The following PDE1C variants were observed in gnomAD, a reference collection of about 807,000 sequenced individuals.
The protein encoded by PDE1C is dual specificity calcium/calmodulin-dependent 3',5'-cyclic nucleotide phosphodiesterase 1C.
A neutral mutation model predicts 93.1 loss-of-function variants in PDE1C; 62 were observed. The observed-to-expected ratio is 0.67, with a 90% CI of 0.54 to 0.82. The LOEUF (loss-of-function observed/expected upper bound fraction) is 0.82, where lower values mean the gene tolerates loss of function less well. Among genes scored for constraint, PDE1C ranks in the 40% least tolerant of loss-of-function variants. The pLI, the probability that PDE1C is intolerant of heterozygous loss-of-function variation, is 0.00. For missense variants in PDE1C, 742 were observed against 884.6 expected, an observed-to-expected ratio of 0.84 and a Z score of 2.04; for synonymous variants, 325 against 310.1, an observed-to-expected ratio of 1.05 and a Z score of -0.50.
At chr7:32,176,877 A>G (rs1803031953) in intron 2 of PDE1C, among the ~76,000 whole-genome samples, 2 of 152,280 alleles carry the variant, frequency 1.3e-5, no homozygotes, top group South Asian at 4.1e-4. Flanking sequence ...GAAAATACAA[A>G]CAGACAGTAG....
chr7:32,181,350 T>C (rs1430523638), intron 2 of PDE1C, among the ~76,000 whole-genome samples: 1 of 152,176 alleles, frequency 6.6e-6, no homozygotes, highest in African/African-American at 2.4e-5. Flanking sequence ...TATACATTCT[T>C]CTCAGCACCA....
intron 7 of PDE1C, among the ~76,000 whole-genome samples, chr7:31,856,547 C>A (rs898672168): frequency 2.0e-5 from 3 of 152,096 alleles, no homozygotes; most frequent in Non-Finnish European, 2.9e-5. Flanking sequence ...ACTTTTATGT[C>A]CCCAGAGTAC....
chr7:32,157,826 T>C (rs559460428), intron 3 of PDE1C, among the ~76,000 whole-genome samples: 1 of 152,336 alleles, frequency 6.6e-6, no homozygotes, highest in South Asian at 2.1e-4. Context: ...TGGAAGATAA[T>C]GTAGCTCATT....
chr7:31,628,051 C>G, the PDE1C span, among the ~76,000 whole-genome samples: 767 of 152,242 alleles, frequency 5.0e-3, 7 homozygotes, highest in African/African-American at 0.018. Flanking sequence ...CACCCCAGGC[C>G]TAAAAAAGCA....
chr7:32,022,025 T>C (rs1024203187), intron 2 of PDE1C, among the ~76,000 whole-genome samples: 1 of 152,126 alleles, frequency 6.6e-6, no homozygotes, highest in African/African-American at 2.4e-5. Context: ...TTAACTTAAG[T>C]ACATAATTAG....
chr7:31,755,745 T>C (rs1248497432), intron 17 of PDE1C, among the ~76,000 whole-genome samples: 1 of 152,226 alleles, frequency 6.6e-6, no homozygotes, highest in African/African-American at 2.4e-5. Context: ...TCCACACTGA[T>C]ATAAATAAAT....
At chr7:32,042,560 T>C (rs1364397786) in intron 2 of PDE1C, among the ~76,000 whole-genome samples, 2 of 152,192 alleles carry the variant, frequency 1.3e-5, no homozygotes, top group African/African-American at 4.8e-5. Context: ...TTTCAATCAG[T>C]AGGGGGCCCT....
At chr7:32,238,359 T>C (rs1808289028) in intron 1 of PDE1C, among the ~76,000 whole-genome samples, 1 of 152,228 alleles carries the variant, frequency 6.6e-6, no homozygotes, top group Non-Finnish European at 1.5e-5. Flanking sequence ...GATCAGATAT[T>C]GATCCTCTTC....
chr7:32,252,970 T>C (rs942217517), intron 1 of PDE1C, among the ~76,000 whole-genome samples: 3 of 152,158 alleles, frequency 2.0e-5, no homozygotes, highest in Non-Finnish European at 2.9e-5. Flanking sequence ...GACCATACTT[T>C]GAGTAGCACA....
chr7:31,960,398 G>C (rs1402007965), intron 2 of PDE1C, among the ~76,000 whole-genome samples: 1 of 152,110 alleles, frequency 6.6e-6, no homozygotes, highest in African/African-American at 2.4e-5. Context: ...CCAAAGTTGA[G>C]GGATATTCTA....
At chr7:31,978,172 A>G (rs532375738) in intron 2 of PDE1C, among the ~76,000 whole-genome samples, 1 of 152,334 alleles carries the variant, frequency 6.6e-6, no homozygotes, top group South Asian at 2.1e-4. Context: ...GATATTTTCA[A>G]CATAGATTTC....
intron 16 of PDE1C, among the ~76,000 whole-genome samples, chr7:31,797,621 C>G (rs1785470777): frequency 6.6e-6 from 1 of 151,710 alleles, no homozygotes; most frequent in Non-Finnish European, 1.5e-5. Flanking sequence ...GATGGGGTAA[C>G]AGCTTGTCTT....
the PDE1C span, among the ~76,000 whole-genome samples, chr7:31,710,860 A>G: frequency 6.6e-6 from 1 of 152,346 alleles, no homozygotes; most frequent in African/African-American, 2.4e-5. Flanking sequence ...CAGAATTCAG[A>G]ACATTATAAT....
rs553992320 is a variant in PDE1C, at chr7:32,272,505, A to AG, written c.85+26145_85+26146insC. 3.1e-4 allele frequency among the ~76,000 whole-genome samples: 47 copies of AG among 152,336 alleles called. No individual in the cohort carries two copies. In the East Asian group the frequency reaches 8.1e-3, roughly 26 times the overall value. On this transcript the variant is annotated intron_variant, in intron 1 of 18. Transcript: ENST00000396193. ...ACAAATCAATAGAGTCTCAAAGCCA[A>AG]TGTTTATTGCCTTCAGTGAGATTTA...
chr7:31,963,677 A>G (rs186964419), intron 2 of PDE1C, among the ~76,000 whole-genome samples: 1 of 152,348 alleles, frequency 6.6e-6, no homozygotes, highest in Admixed American at 6.5e-5. Flanking sequence ...TTGAGGGTAG[A>G]GGGAGGAACA....
chr7:31,765,887 A>T lies in PDE1C; in HGVS notation c.1960+9777T>A, dbSNP rs565764672. On this transcript the variant is annotated intron_variant, in intron 17 of 17. Transcript: ENST00000396191. ...TTAGAATCAGTCTTTAACCATTGGC[A>T]ATGACCTTCAGAGAAAAGAGCACAG... 1.9e-3 allele frequency among the ~76,000 whole-genome samples: 291 copies of T among 152,322 alleles called. 2 individuals are homozygous for T. The highest frequency in any genetic ancestry group is 6.8e-3 in the African/African-American group (281 of 41,568).
At chr7:32,187,750 C>T (rs1803977126) in intron 2 of PDE1C, among the ~76,000 whole-genome samples, 1 of 148,638 alleles carries the variant, frequency 6.7e-6, no homozygotes, top group Non-Finnish European at 1.5e-5. Context: ...ATTTTAACAA[C>T]TTTAAGCCAA....
rs771905158 is a variant in PDE1C at position 31,864,941 on chromosome 7, C to A, written c.750+1G>T. 6.2e-7 allele frequency: 1 copy of A among 1,613,060 alleles called. No individual in the cohort carries two copies. Among genetic ancestry groups the A allele is most frequent in the Non-Finnish European group, 8.5e-7 (1 of 1,179,212 alleles). On this transcript the variant is annotated splice_donor_variant, in intron 7 of 17. Transcript: ENST00000396191. LOFTEE classifies it high-confidence loss of function. ...ACCTAAGAGTTCCTATCCCTACTTA[C>A]CGCCACTCCTGTCTTATAGAGGAGG...
At chr7:31,690,472 T>C in the PDE1C span, among the ~76,000 whole-genome samples, 1 of 151,930 alleles carries the variant, frequency 6.6e-6, no homozygotes, top group Non-Finnish European at 1.5e-5. Context: ...GCAAATTTTA[T>C]TGTAGCAGAC....
Sources: gnomAD v4.1 joint callset for allele counts (sites outside exome capture counted in the v4.1 genomes callset) on GRCh38, gnomAD v4.1.1 for gene constraint, MANE v1.5 for transcripts, NCBI Gene and HGNC (gene_info 2026-07-23, HGNC 2026-07-21) for gene names.